Variants in HAVCR2 observed in about 807,000 individuals in gnomAD.
HAVCR2 encodes the protein hepatitis A virus cellular receptor 2, also known as T cell immunoglobulin mucin 3.
Under a neutral mutation model 24.7 loss-of-function variants are expected in HAVCR2, and 13 were observed. The ratio of observed to expected loss-of-function variants is 0.53; its 90% CI spans 0.34 to 0.84. HAVCR2 has a LOEUF of 0.84. HAVCR2 is among the 40% of genes least tolerant of loss of function. The probability of loss-of-function intolerance (pLI) is 0.01; values close to 1 mark genes in which losing one functional copy is unlikely to be tolerated. For synonymous variants in HAVCR2, 154 were observed against 143.4 expected, an observed-to-expected ratio of 1.07 and a Z score of -0.53; for missense variants, 343 against 371.2, an observed-to-expected ratio of 0.92 and a Z score of 0.62.
intron 2 of HAVCR2, among the ~76,000 whole-genome samples, chr5:157,105,304 TC>T (rs1757231813): frequency 6.6e-6 from 1 of 152,138 alleles, no homozygotes; most frequent in Admixed American, 6.6e-5. Flanking sequence ...CCTCAGGTGA[TC>T]CACCCACCTC....
chr5:157,089,078 C>G (rs908363926), intron 5 of HAVCR2, 101 bp from the exon 6 acceptor site: 1 of 965,370 alleles, frequency 1.0e-6, no homozygotes, highest in Non-Finnish European at 1.6e-6. Flanking sequence ...TTAGGGAAAT[C>G]TGGTCTCATC....
At chr5:157,087,340 A>T in intron 6 of HAVCR2, 46 bp from the exon 7 acceptor site, 1 of 1,530,194 alleles carries the variant, frequency 6.5e-7, no homozygotes, top group Non-Finnish European at 8.9e-7. Flanking sequence ...TTCCCAGGTA[A>T]CACGGAATAG....
In HAVCR2 at chr5:157,101,692, T is replaced by C. The variant is rs569322067; in HGVS notation, c.479-2791A>G. ...CACCTGTGACCCAGTCCTTACTCCT[T>C]CAGGTAGAAGACAAGTTGCATTTGT... On this transcript the variant is annotated intron_variant, in intron 3 of 6. Coordinates refer to ENST00000307851, the MANE Select transcript of HAVCR2 (RefSeq NM_032782.5). Among the ~76,000 whole-genome samples the C allele has an allele frequency of 2.0e-5, 3 of 152,178 alleles. No individual in the cohort carries two copies. The South Asian group carries it at 6.2e-4, about 32-fold the overall frequency.
chr5:157,094,041 CTTT>C (rs1374358354), intron 5 of HAVCR2, among the ~76,000 whole-genome samples: 2 of 136,328 alleles, frequency 1.5e-5, no homozygotes, highest in African/African-American at 2.7e-5. Context: ...CAACACACTT[CTTT>C]TTTTTTTTTT....
At chr5:157,108,835 C>G (rs1343807453) in intron 1 of HAVCR2, 91 bp downstream of exon 1, 4 of 1,264,156 alleles carry the variant, frequency 3.2e-6, no homozygotes, top group African/African-American at 2.9e-5. Context: ...TTTGCTATTA[C>G]AAACAACATT....
At chr5:157,099,239 T>C (rs915215351) in intron 3 of HAVCR2, among the ~76,000 whole-genome samples, 22 of 152,164 alleles carry the variant, frequency 1.4e-4, no homozygotes, top group African/African-American at 5.1e-4. Context: ...GCAATATTGA[T>C]AAGACTCAGG....
intron 3 of HAVCR2, among the ~76,000 whole-genome samples, chr5:157,103,082 G>A (rs1385202513): frequency 6.6e-6 from 1 of 151,894 alleles, no homozygotes; most frequent in African/African-American, 2.4e-5. Context: ...AAAAAGTACT[G>A]GCCGGGCGCG....
At position 157,087,280 on chromosome 5, in the gene HAVCR2, G is replaced by A. The variant is rs1031084146; in HGVS notation, c.728C>T (p.Ala243Val). 1 of 1,609,690 alleles carries A rather than the reference G, an allele frequency of 6.2e-7. No homozygotes were observed. Among genetic ancestry groups the A allele is most frequent in the Non-Finnish European group, 8.5e-7 (1 of 1,178,852 alleles). ...KIQNLSLISL[A>V]NLPPSGLANA... ...TGCCAATCCTGAGGGAGGGAGGTTG[G>A]CCAAAGAGATGAGGCTGTGGAAATA... Residue 243 changes from alanine (A) to valine (V), a missense_variant, in exon 7 of 7, where the codon GCC becomes GTC. Transcript: ENST00000307851.
At chr5:157,097,714 C>T (rs1179955317) in intron 4 of HAVCR2, among the ~76,000 whole-genome samples, 1 of 152,006 alleles carries the variant, frequency 6.6e-6, no homozygotes, top group East Asian at 2.0e-4. Context: ...ATTCTCCTGT[C>T]TCAGCCTCCT....
chr5:157,099,011 AT>A (rs1757133092), intron 3 of HAVCR2, 110 bp from the exon 4 acceptor site: 2 of 930,866 alleles, frequency 2.1e-6, no homozygotes, highest in Non-Finnish European at 1.6e-6. Context: ...CTATAATCCT[AT>A]TTGAAATGAA....
chr5:157,108,101 AT>A (rs753065124), intron 1 of HAVCR2, among the ~76,000 whole-genome samples: 5 of 152,002 alleles, frequency 3.3e-5, no homozygotes, highest in African/African-American at 4.8e-5. Flanking sequence ...TAAAACATTC[AT>A]TATATATTTT....
Position 157,104,827 on chromosome 5 carries a change from G to A in HAVCR2, c.395-78C>T. On this transcript the variant is annotated intron_variant, in intron 2 of 6. Coordinates refer to ENST00000307851, the MANE Select transcript of HAVCR2 (RefSeq NM_032782.5). ...TTTCAGGGAATCAAAGGGGCAGCAAGAAAAAAATGCGAAAGACAATTAAGA... is the reference window on the plus strand; with the variant it reads ...TTTCAGGGAATCAAAGGGGCAGCAAAAAAAAAATGCGAAAGACAATTAAGA... 5.9e-6 allele frequency: 6 copies of A among 1,014,970 alleles called. No homozygotes were observed. The Admixed American group carries it at 6.9e-5, about 12-fold the overall frequency. The allele number at this position is 1,014,970 out of a possible 1,614,324, so 62.9% of individuals were successfully genotyped here.
Position 157,089,034 on chromosome 5 carries a change from G to T in HAVCR2, c.677-57C>A, listed in dbSNP as rs1756955788. 29 of 1,478,900 alleles carry T rather than the reference G, an allele frequency of 2.0e-5. No individual in the cohort carries two copies. In the South Asian group the frequency reaches 3.1e-4, roughly 16 times the overall value. 91.6% of individuals were successfully genotyped at this position (1,478,900 alleles called of 1,614,324 possible). A position where few individuals can be genotyped will look rare whatever the true frequency, so the allele number is the denominator to read the frequency against. On this transcript the variant is annotated intron_variant, in intron 5 of 6. Coordinates refer to ENST00000307851, the MANE Select transcript of HAVCR2 (RefSeq NM_032782.5). Reference sequence around the variant, plus strand: ...TGCATTCATAAAATAAATGAGACAAGAAATCAAATAGGTTCACTGGAAGCA... The same window carrying T: ...TGCATTCATAAAATAAATGAGACAATAAATCAAATAGGTTCACTGGAAGCA...
At chr5:157,087,392 A>G (rs946380857) in intron 6 of HAVCR2, 98 bp from the exon 7 acceptor site, 21 of 946,636 alleles carry the variant, frequency 2.2e-5, no homozygotes, top group Non-Finnish European at 3.3e-5. Flanking sequence ...GCAACTAAAT[A>G]TAGTGCATGA....
chr5:157,108,889 C>T, intron 1 of HAVCR2, 37 bp downstream of exon 1: 6 of 1,601,140 alleles, frequency 3.7e-6, no homozygotes, highest in African/African-American at 1.3e-5. Context: ...CTGTACAGCA[C>T]CATTATGTCA....
intron 5 of HAVCR2, among the ~76,000 whole-genome samples, chr5:157,089,528 C>T (rs1330411789): frequency 6.8e-6 from 1 of 147,354 alleles, no homozygotes; most frequent in African/African-American, 2.5e-5. Context: ...GAGAGCGAAA[C>T]TCCGTCTCAA....
chr5:157,097,650 T>G (rs1456571879), intron 4 of HAVCR2, among the ~76,000 whole-genome samples: 11 of 152,060 alleles, frequency 7.2e-5, no homozygotes, highest in Non-Finnish European at 1.5e-5. Flanking sequence ...CCCAGGCTGG[T>G]GTGCAGTGGC....
chr5:157,092,913 A>ATAAAAAAAAAAAT (rs1757028048), intron 5 of HAVCR2, among the ~76,000 whole-genome samples: 1 of 123,030 alleles, frequency 8.1e-6, no homozygotes, highest in African/African-American at 3.1e-5. Flanking sequence ...AAAAAAAAAA[A>ATAAAAAAAAAAAT]AAAAACTAGC....
At chr5:157,088,615 C>A (rs991378800) in intron 6 of HAVCR2, among the ~76,000 whole-genome samples, 9 of 152,108 alleles carry the variant, frequency 5.9e-5, no homozygotes, top group Non-Finnish European at 1.0e-4. Flanking sequence ...TAAGTGCAGC[C>A]CAGACCCTGG....
Sources: allele counts gnomAD v4.1 joint callset (sites outside exome capture counted in the v4.1 genomes callset), GRCh38; gene constraint gnomAD v4.1.1; transcripts MANE v1.5; gene names NCBI Gene and HGNC (gene_info 2026-07-23, HGNC 2026-07-21).